MYO6: variants seen among roughly 807,000 people sequenced by gnomAD.
The protein encoded by MYO6 is myosin VI, also known as unconventional myosin-VI.
MYO6 carries 74 observed loss-of-function variants against 178.7 expected under a neutral mutation model. The observed-to-expected ratio is 0.41, with a 90% confidence interval of 0.34 to 0.50. The LOEUF (loss-of-function observed/expected upper bound fraction) is 0.50. Ranked by LOEUF, MYO6 falls within the 20% of genes least tolerant of loss-of-function variation. MYO6 has a pLI of 0.09. For missense variants in MYO6, 1,330 were observed against 1,547.4 expected (o/e 0.86, Z 2.36); for synonymous variants, 477 against 504.6 (o/e 0.95, Z 0.73).
intron 1 of MYO6, among the ~76,000 whole-genome samples, chr6:75,769,357 A>G (rs923457637): frequency 6.6e-6 from 1 of 152,192 alleles, no homozygotes; most frequent in Non-Finnish European, 1.5e-5. Context: ...AGCCTGTAAA[A>G]TCAAAACAAG....
At chr6:75,838,658 T>C (rs1250691834) in intron 7 of MYO6, among the ~76,000 whole-genome samples, 1 of 151,734 alleles carries the variant, frequency 6.6e-6, no homozygotes, top group Non-Finnish European at 1.5e-5. Context: ...GTTTTTTTTT[T>C]TTTTTCTTCT....
chr6:75,817,033 C>T (rs1057036349), intron 1 of MYO6, among the ~76,000 whole-genome samples: 23 of 152,152 alleles, frequency 1.5e-4, no homozygotes, highest in African/African-American at 5.1e-4. Flanking sequence ...GGGCCGGGCA[C>T]GGTGGCTCAC....
At chr6:75,802,330 G>A (rs1330850549) in intron 1 of MYO6, among the ~76,000 whole-genome samples, 4 of 151,844 alleles carry the variant, frequency 2.6e-5, no homozygotes, top group South Asian at 2.1e-4. Flanking sequence ...TTAGCTGGGC[G>A]TGGTAGCGCG....
At chr6:75,905,917 G>A (rs1780278904) in intron 30 of MYO6, among the ~76,000 whole-genome samples, 1 of 152,220 alleles carries the variant, frequency 6.6e-6, no homozygotes, top group Non-Finnish European at 1.5e-5. Flanking sequence ...AGTATTGAAA[G>A]AATAATTTCC....
At chr6:75,873,150 A>G in intron 19 of MYO6, 57 bp from the exon 20 acceptor site, 1 of 1,350,180 alleles carries the variant, frequency 7.4e-7, no homozygotes, top group Non-Finnish European at 1.1e-6. Flanking sequence ...TATTCATAGA[A>G]ACAGAAAACT....
rs1781179567 is a variant in MYO6, at chr6:75,917,458, T to C, written c.*2446T>C. 1 of 152,504 alleles carries C rather than the reference T, an allele frequency of 6.6e-6. No homozygotes were observed. The highest frequency in any genetic ancestry group is 2.1e-4 in the South Asian group (1 of 4,832). 9.4% of individuals were successfully genotyped at this position (152,504 alleles called of 1,614,324 possible). On this transcript the variant is annotated 3_prime_UTR_variant, in exon 35 of 35. Transcript: ENST00000369977. ...CAGTTGAGATATGTATTATGAGTTA[T>C]GGGAACTAATTGAGAAAAGGAAGTT...
chr6:75,908,279 T>C (rs1433381753), intron 31 of MYO6, among the ~76,000 whole-genome samples: 1 of 152,206 alleles, frequency 6.6e-6, no homozygotes, highest in Non-Finnish European at 1.5e-5. Context: ...GTGGAGCAGA[T>C]GATATAAGAT....
At chr6:75,794,739 AT>A (rs1446543430) in intron 1 of MYO6, among the ~76,000 whole-genome samples, 6,731 of 132,820 alleles carry the variant, frequency 0.051, 396 homozygotes, top group African/African-American at 0.18. Context: ...AGCAAAAAAA[AT>A]AAAAAAAATA....
chr6:75,839,289 C>T (rs1380820279), intron 7 of MYO6, among the ~76,000 whole-genome samples: 5 of 151,810 alleles, frequency 3.3e-5, no homozygotes, highest in East Asian at 1.9e-4. Context: ...CCGGGGTTCA[C>T]GCCATTCTCC....
intron 1 of MYO6, among the ~76,000 whole-genome samples, chr6:75,758,491 C>T (rs112442342): frequency 0.02 from 2,972 of 152,154 alleles, 89 homozygotes; most frequent in African/African-American, 0.067. Context: ...GATGGAGTCT[C>T]GCTCTGTCAC....
intron 1 of MYO6, among the ~76,000 whole-genome samples, chr6:75,757,207 A>C (rs1346028539): frequency 1.3e-5 from 2 of 148,188 alleles, no homozygotes; most frequent in Non-Finnish European, 3.0e-5. Context: ...GTATATATGT[A>C]TATAGACATA....
At chr6:75,862,464 G>T in intron 15 of MYO6, 132 bp from the exon 16 acceptor site, 1 of 824,120 alleles carries the variant, frequency 1.2e-6, no homozygotes, top group East Asian at 2.7e-5. Context: ...TAACTTTTGA[G>T]AGAACACATA....
intron 1 of MYO6, among the ~76,000 whole-genome samples, chr6:75,807,218 C>A (rs1431163989): frequency 6.6e-6 from 1 of 152,094 alleles, no homozygotes; most frequent in Non-Finnish European, 1.5e-5. Flanking sequence ...CTTAGAAGGA[C>A]CTGTTCTTTT....
intron 1 of MYO6, among the ~76,000 whole-genome samples, chr6:75,778,330 C>T (rs1245252817): frequency 1.3e-5 from 2 of 152,176 alleles, no homozygotes; most frequent in Non-Finnish European, 2.9e-5. Flanking sequence ...CACAGTGGCT[C>T]ACGCCTGTAA....
Position 75,866,962 on chromosome 6 carries a change from T to G in MYO6, c.1801T>G (p.Leu601Val). Residue 601 changes from leucine (L) to valine (V), a missense_variant, in exon 18 of 35, where the codon TTA becomes GTA. This residue lies in a region of MYO6 where 613 missense variants were observed against 816.8 expected (regional missense o/e 0.75). Coordinates refer to ENST00000369977, the MANE Select transcript of MYO6 (RefSeq NM_004999.4). ...GTTTGTGGAGAAAAATAATGATGCT[T>G]TACATATGTCTCTTGAATCCTTAAT... is the stretch of plus-strand genomic sequence containing the variant. The part of the protein sequence containing the change: ...TQFVEKNNDA[L>V]HMSLESLICE... 3.7e-6 allele frequency: 6 copies of G among 1,613,996 alleles called. No individual in the cohort carries two copies. The highest frequency in any genetic ancestry group is 5.1e-6 in the Non-Finnish European group (6 of 1,179,920).
chr6:75,758,491 C>G (rs112442342), intron 1 of MYO6, among the ~76,000 whole-genome samples: 2 of 152,048 alleles, frequency 1.3e-5, no homozygotes, highest in African/African-American at 4.8e-5. Context: ...GATGGAGTCT[C>G]GCTCTGTCAC....
At chr6:75,830,095 A>G (rs1772923848) in intron 4 of MYO6, among the ~76,000 whole-genome samples, 1 of 152,212 alleles carries the variant, frequency 6.6e-6, no homozygotes, top group Non-Finnish European at 1.5e-5. Context: ...CTTGGTGGTG[A>G]TGCCATGTCC....
At chr6:75,847,933 T>C (rs1185866195) in intron 10 of MYO6, among the ~76,000 whole-genome samples, 1 of 152,106 alleles carries the variant, frequency 6.6e-6, no homozygotes. Context: ...GTATACATTG[T>C]GGAATAATTA....
At position 75,882,746 on chromosome 6, in the gene MYO6, T is replaced by A. The variant is rs562134992; in HGVS notation, c.2416+928T>A. Among the ~76,000 whole-genome samples the A allele has an allele frequency of 2.0e-5, 3 of 152,320 alleles. No homozygotes were observed. The South Asian group carries it at 6.2e-4, about 32-fold the overall frequency. Reference sequence around the variant, plus strand: ...CATATATATAGGCAATAAACATATATGTTTATTGAAACTATAAACACATAT... The same window carrying A: ...CATATATATAGGCAATAAACATATAAGTTTATTGAAACTATAAACACATAT... On this transcript the variant is annotated intron_variant, in intron 23 of 34. Transcript: ENST00000369977.
Sources: allele counts gnomAD v4.1 joint callset (sites outside exome capture counted in the v4.1 genomes callset), GRCh38; gene constraint gnomAD v4.1.1; regional missense constraint gnomAD v4.1.1; transcripts MANE v1.5; gene names NCBI Gene and HGNC (gene_info 2026-07-23, HGNC 2026-07-21).